The following FREM3 variants were observed in gnomAD, a reference collection of about 807,000 sequenced individuals.
FREM3 encodes the protein FRAS1 related extracellular matrix 3.
FREM3 carries 105 observed loss-of-function variants against 129.1 expected under a neutral mutation model. The ratio of observed to expected loss-of-function variants is 0.81; its 90% CI spans 0.69 to 0.96. FREM3 has a LOEUF of 0.96. Among genes scored for constraint, FREM3 ranks in the 40% least tolerant of loss-of-function variants. The pLI is 0.00. For synonymous variants in FREM3, 1,014 were observed against 1,044.9 expected, an observed-to-expected ratio of 0.97 and a Z score of 0.57; for missense variants, 2,593 against 2,666.3, an observed-to-expected ratio of 0.97 and a Z score of 0.61.
At chr4:143,651,083 T>C (rs1463361523) in intron 2 of FREM3, among the ~76,000 whole-genome samples, 1 of 152,232 alleles carries the variant, frequency 6.6e-6, no homozygotes, top group Non-Finnish European at 1.5e-5. Flanking sequence ...TAGGGGATAG[T>C]AATTTGATTC....
intron 7 of FREM3, among the ~76,000 whole-genome samples, chr4:143,579,379 G>A (rs1294639054): frequency 6.6e-6 from 1 of 152,118 alleles, no homozygotes; most frequent in East Asian, 1.9e-4. Context: ...ATTGAACCTG[G>A]GAAGCAGATA....
rs1218654332 is a variant in FREM3 at position 143,698,219 on chromosome 4, T to G, written c.2457A>C (p.Thr819=). 5.2e-6 allele frequency: 8 copies of G among 1,537,298 alleles called. No homozygotes were observed. Among genetic ancestry groups the G allele is most frequent in the Non-Finnish European group, 7.0e-6 (8 of 1,146,940 alleles). The change falls in exon 1 of 8, where the codon ACA becomes ACC. Residue 819 remains threonine (T), a synonymous_variant. Transcript: ENST00000329798. ...GGTTGTCCACAGGTTGCAGGAATAATGTGAATGTGCCTGGCACGCTATTGC... is the reference window on the plus strand; with the variant it reads ...GGTTGTCCACAGGTTGCAGGAATAAGGTGAATGTGCCTGGCACGCTATTGC... ...AAGNSVPGTF[T]LFLQPVDNQP...
intron 2 of FREM3, among the ~76,000 whole-genome samples, chr4:143,678,460 C>A (rs545247739): frequency 1.3e-5 from 2 of 152,080 alleles, no homozygotes; most frequent in South Asian, 4.2e-4. Context: ...TTAATGGGTG[C>A]AGCACATCAA....
intron 2 of FREM3, among the ~76,000 whole-genome samples, chr4:143,645,416 TG>T (rs1476755166): frequency 5.3e-5 from 8 of 152,340 alleles, no homozygotes; most frequent in African/African-American, 1.9e-4. Context: ...TAGATGTTGC[TG>T]TGACAGTATT....
At chr4:143,640,030 A>C (rs1241054218) in intron 2 of FREM3, among the ~76,000 whole-genome samples, 1 of 152,152 alleles carries the variant, frequency 6.6e-6, no homozygotes, top group Non-Finnish European at 1.5e-5. Context: ...CCAAGTTCTC[A>C]TGCTGTTTCA....
Position 143,697,330 on chromosome 4 carries a change from C to T in FREM3, c.3346G>A (p.Gly1116Ser). 1 of 1,537,090 alleles carries T rather than the reference C, an allele frequency of 6.5e-7. No individual in the cohort carries two copies. The highest frequency in any genetic ancestry group is 8.7e-7 in the Non-Finnish European group (1 of 1,146,802). ...GCTGATGCAATCTTTTCCAGGTAGC[C>T]AGAGGCTGGCTGACTAGTCACTGTG... ...LCTVTSQPASGYLEKIASAPG... is the reference protein window; with the variant it reads ...LCTVTSQPASSYLEKIASAPG... Residue 1116 changes from glycine to serine, a missense_variant, in exon 1 of 8, where the codon GGC becomes AGC. By Grantham distance (56) the Gly-to-Ser change is moderately conservative. This residue lies in a region of FREM3 where 2,276 missense variants were observed against 2,267.2 expected (regional missense o/e 1.00). Transcript: ENST00000329798.
At chr4:143,655,725 A>G in intron 2 of FREM3, among the ~76,000 whole-genome samples, 1 of 152,206 alleles carries the variant, frequency 6.6e-6, no homozygotes, top group East Asian at 1.9e-4. Context: ...GTGCTTCTCA[A>G]ACCTTACAGC....
intron 2 of FREM3, among the ~76,000 whole-genome samples, chr4:143,635,148 C>T (rs1260025297): frequency 6.6e-6 from 1 of 151,866 alleles, no homozygotes; most frequent in Non-Finnish European, 1.5e-5. Context: ...AAAAAGAGAA[C>T]CAAGAACTAA....
chr4:143,616,792 C>CA (rs775898686), intron 5 of FREM3, among the ~76,000 whole-genome samples: 104 of 136,482 alleles, frequency 7.6e-4, no homozygotes, highest in Middle Eastern at 4.0e-3. Context: ...GACTCCGTCT[C>CA]AAAAAAAAAA....
In FREM3 at chr4:143,638,138, C is replaced by T. The variant is rs114531981; in HGVS notation, c.5276-10378G>A. ...TTAGTGTTCTTCAATATAAGGACAGCGGAAACAGTGTGAAATAATAAAGAC... is the reference window on the plus strand; with the variant it reads ...TTAGTGTTCTTCAATATAAGGACAGTGGAAACAGTGTGAAATAATAAAGAC... On this transcript the variant is annotated intron_variant, in intron 2 of 7. Transcript: ENST00000329798. Among the ~76,000 whole-genome samples, 1,258 of 152,176 alleles carry T rather than the reference C, an allele frequency of 8.3e-3. 25 individuals are homozygous for T. The highest frequency in any genetic ancestry group is 0.029 in the African/African-American group (1,204 of 41,522).
intron 2 of FREM3, among the ~76,000 whole-genome samples, chr4:143,682,021 A>G (rs558042952): frequency 1.7e-4 from 26 of 152,324 alleles, no homozygotes; most frequent in Non-Finnish European, 3.2e-4. Context: ...AAAAGAGGTG[A>G]GAAACCAAGG....
intron 2 of FREM3, among the ~76,000 whole-genome samples, chr4:143,643,448 A>G (rs1739358352): frequency 6.6e-6 from 1 of 151,814 alleles, no homozygotes; most frequent in South Asian, 2.1e-4. Context: ...TAAAGTATAT[A>G]AATATAAACA....
chr4:143,667,563 C>T (rs954374788), intron 2 of FREM3, among the ~76,000 whole-genome samples: 1 of 152,158 alleles, frequency 6.6e-6, no homozygotes, highest in Non-Finnish European at 1.5e-5. Flanking sequence ...CAGTTCCTTG[C>T]CAACTGGCAC....
At chr4:143,621,226 C>A in intron 4 of FREM3, 64 bp from the exon 5 acceptor site, 1 of 1,442,892 alleles carries the variant, frequency 6.9e-7, no homozygotes, top group Non-Finnish European at 9.4e-7. Flanking sequence ...TTTAAACACA[C>A]CTGAGCAGAA....
intron 6 of FREM3, among the ~76,000 whole-genome samples, chr4:143,589,558 T>C (rs1388320063): frequency 3.9e-5 from 6 of 152,156 alleles, no homozygotes; most frequent in Non-Finnish European, 8.8e-5. Context: ...TGTAGATATG[T>C]GGCATTATTT....
At chr4:143,680,461 T>C (rs1029662190) in intron 2 of FREM3, among the ~76,000 whole-genome samples, 6 of 152,126 alleles carry the variant, frequency 3.9e-5, no homozygotes, top group African/African-American at 7.2e-5. Context: ...ACCACACTTA[T>C]GCATTCCTCT....
chr4:143,592,185 G>T (rs189446748), intron 6 of FREM3, among the ~76,000 whole-genome samples: 80 of 152,044 alleles, frequency 5.3e-4, no homozygotes, highest in Non-Finnish European at 8.2e-4. Context: ...GGGTCTTGAC[G>T]CTTTATCTAA....
chr4:143,595,606 AG>A (rs1738456630), intron 6 of FREM3, among the ~76,000 whole-genome samples: 1 of 152,088 alleles, frequency 6.6e-6, no homozygotes. Context: ...AAAAGAAGGG[AG>A]CCGGGCACCG....
At chr4:143,646,996 C>A (rs1238872825) in intron 2 of FREM3, among the ~76,000 whole-genome samples, 1 of 151,794 alleles carries the variant, frequency 6.6e-6, no homozygotes, top group Admixed American at 6.6e-5. Flanking sequence ...CAGAAGAAGA[C>A]AGGAAGGTGT....
Sources: allele counts gnomAD v4.1 joint callset (sites outside exome capture counted in the v4.1 genomes callset), GRCh38; gene constraint gnomAD v4.1.1; regional missense constraint gnomAD v4.1.1; transcripts MANE v1.5; gene names NCBI Gene and HGNC (gene_info 2026-07-23, HGNC 2026-07-21).